Variants in TENM4 observed in about 807,000 individuals in gnomAD.
TENM4 encodes teneurin transmembrane protein 4.
Under a neutral mutation model 243.3 loss-of-function variants are expected in TENM4, and 82 were observed. The observed-to-expected ratio is 0.34, with a 90% CI of 0.28 to 0.40. The LOEUF (loss-of-function observed/expected upper bound fraction) is 0.40. TENM4 is among the 10% of genes least tolerant of loss of function. The pLI is 1.00. For missense variants in TENM4, 3,138 were observed against 3,673.3 expected, an observed-to-expected ratio of 0.85 and a Z score of 3.77; for synonymous variants, 1,412 against 1,456.3, an observed-to-expected ratio of 0.97 and a Z score of 0.69.
chr11:79,036,672 T>C (rs970343877), intron 6 of TENM4, among the ~76,000 whole-genome samples: 2 of 152,068 alleles, frequency 1.3e-5, no homozygotes, highest in Non-Finnish European at 2.9e-5. Flanking sequence ...ACTGAGTTGA[T>C]GTTGTAGGTG....
Position 79,061,487 on chromosome 11 carries a change from G to T in TENM4, c.493+3251C>A, listed in dbSNP as rs747522. On this transcript the variant is annotated intron_variant, in intron 6 of 33. Coordinates refer to ENST00000278550, the MANE Select transcript of TENM4 (RefSeq NM_001098816.3). ...CAAAGAAATGACAACATGGCCAGGG[G>T]AGCAGGCAGCCATTTCTCTGTCCCA... 6.0e-3 allele frequency among the ~76,000 whole-genome samples: 913 copies of T among 152,302 alleles called. 10 individuals carry two copies. The highest frequency in any genetic ancestry group is 0.02 in the African/African-American group (848 of 41,546).
chr11:79,247,543 T>C (rs1250718880), intron 2 of TENM4, among the ~76,000 whole-genome samples: 1 of 152,138 alleles, frequency 6.6e-6, no homozygotes, highest in Non-Finnish European at 1.5e-5. Context: ...CACTGCCTAT[T>C]GAGGACCCAG....
intron 3 of TENM4, among the ~76,000 whole-genome samples, chr11:79,208,145 C>A (rs1863886340): frequency 6.6e-6 from 1 of 152,150 alleles, no homozygotes; most frequent in Non-Finnish European, 1.5e-5. Context: ...GAGCACGGGT[C>A]ATCGGCATCT....
At chr11:78,849,586 C>CTGAA (rs755083697) in intron 12 of TENM4, among the ~76,000 whole-genome samples, 15 of 152,126 alleles carry the variant, frequency 9.9e-5, no homozygotes, top group Admixed American at 5.9e-4. Flanking sequence ...TAAATATTTG[C>CTGAA]TGAATGAATG....
chr11:78,726,839 G>T (rs1223719674), intron 22 of TENM4, among the ~76,000 whole-genome samples: 1 of 152,186 alleles, frequency 6.6e-6, no homozygotes, highest in Non-Finnish European at 1.5e-5. Context: ...TGTACAGCCT[G>T]CAGAATCATG....
chr11:78,684,163 T>G (rs11237585), intron 29 of TENM4, among the ~76,000 whole-genome samples: 80,835 of 152,072 alleles, frequency 0.53, 24,062 homozygotes, highest in Non-Finnish European at 0.69. Context: ...TTCTCCAATA[T>G]TTGAGTGCGT....
At chr11:79,385,498 G>A (rs1858092917) in intron 1 of TENM4, among the ~76,000 whole-genome samples, 1 of 151,964 alleles carries the variant, frequency 6.6e-6, no homozygotes, top group Non-Finnish European at 1.5e-5. Context: ...GAGTATATAT[G>A]GATTAACTTC....
chr11:79,076,647 C>T (rs1300702540), intron 4 of TENM4, among the ~76,000 whole-genome samples: 1 of 151,954 alleles, frequency 6.6e-6, no homozygotes, highest in East Asian at 1.9e-4. Context: ...TTGTCTTTTT[C>T]CTTTATGTGA....
intron 2 of TENM4, among the ~76,000 whole-genome samples, chr11:79,288,804 TA>T (rs1856304181): frequency 6.6e-6 from 1 of 151,556 alleles, no homozygotes; most frequent in African/African-American, 2.4e-5. Context: ...AATATAAAAC[TA>T]GGGGGAAGGA....
intron 2 of TENM4, among the ~76,000 whole-genome samples, chr11:79,288,288 G>A (rs1243074318): frequency 6.6e-6 from 1 of 152,188 alleles, no homozygotes; most frequent in Non-Finnish European, 1.5e-5. Context: ...CTTACCACTG[G>A]AATATCTTCA....
intron 4 of TENM4, among the ~76,000 whole-genome samples, chr11:79,074,174 T>C (rs1348458725): frequency 6.6e-6 from 1 of 152,158 alleles, no homozygotes; most frequent in Non-Finnish European, 1.5e-5. Context: ...AGGCTTAATA[T>C]AGTAATTCAG....
At chr11:78,888,736 C>T (rs1855599207) in intron 9 of TENM4, among the ~76,000 whole-genome samples, 1 of 152,184 alleles carries the variant, frequency 6.6e-6, no homozygotes, top group South Asian at 2.1e-4. Context: ...TTGGCCTCTG[C>T]CAGTTAGTTC....
At chr11:78,738,700 GGT>G (rs1855854333) in intron 19 of TENM4, 130 bp from the exon 20 acceptor site, 1 of 889,782 alleles carries the variant, frequency 1.1e-6, no homozygotes, top group East Asian at 2.7e-5. Flanking sequence ...AGGGGTTCAT[GGT>G]GTTCACTCAA....
chr11:79,418,284 A>C (rs775804187), intron 1 of TENM4, among the ~76,000 whole-genome samples: 1 of 152,196 alleles, frequency 6.6e-6, no homozygotes, highest in Non-Finnish European at 1.5e-5. Context: ...ACTGAAAAGC[A>C]CCTACCTAGA....
chr11:78,943,735 G>A (rs974681072), intron 6 of TENM4, among the ~76,000 whole-genome samples: 8 of 152,090 alleles, frequency 5.3e-5, no homozygotes, highest in South Asian at 4.1e-4. Context: ...AAAATACACC[G>A]TCAAGAATCT....
At chr11:78,985,611 T>G in intron 6 of TENM4, among the ~76,000 whole-genome samples, 1 of 152,260 alleles carries the variant, frequency 6.6e-6, no homozygotes, top group Non-Finnish European at 1.5e-5. Flanking sequence ...ACATTTTTTG[T>G]GTTGTTTATT....
At chr11:78,686,352 T>A (rs772145751) in intron 29 of TENM4, among the ~76,000 whole-genome samples, 21 of 152,278 alleles carry the variant, frequency 1.4e-4, no homozygotes, top group South Asian at 4.1e-4. Context: ...GTCATATACA[T>A]CTCTTCGTCT....
chr11:79,139,695 TATATA>T (rs1313992397), intron 4 of TENM4, among the ~76,000 whole-genome samples: 2 of 101,734 alleles, frequency 2.0e-5, no homozygotes, highest in East Asian at 2.7e-4. Context: ...ATATAAAATA[TATATA>T]ATATTTATAT....
At chr11:78,696,438 C>T (rs535071224) in intron 28 of TENM4, among the ~76,000 whole-genome samples, 2 of 151,918 alleles carry the variant, frequency 1.3e-5, no homozygotes, top group East Asian at 1.9e-4. Context: ...CCCTTTTGTA[C>T]GTTCAGTTGA....
Sources: allele counts gnomAD v4.1 joint callset (sites outside exome capture counted in the v4.1 genomes callset), GRCh38; gene constraint gnomAD v4.1.1; transcripts MANE v1.5; gene names NCBI Gene and HGNC (gene_info 2026-07-23, HGNC 2026-07-21).